Variants in SSH2 observed in about 807,000 individuals in gnomAD.
SSH2 encodes the protein slingshot protein phosphatase 2.
In SSH2, 37 loss-of-function variants were observed where a neutral mutation model predicts 135.2. The ratio of observed to expected loss-of-function variants is 0.27; its 90% CI spans 0.21 to 0.36. The LOEUF (loss-of-function observed/expected upper bound fraction) is 0.36. Among genes scored for constraint, SSH2 ranks in the 10% least tolerant of loss-of-function variants. SSH2 has a pLI of 1.00. For missense variants in SSH2, 1,408 were observed against 1,765.3 expected (o/e 0.80, Z 3.63); for synonymous variants, 628 against 646.2 (o/e 0.97, Z 0.43).
At position 29,729,248 on chromosome 17, in the gene SSH2, C is replaced by T. The variant is rs147720798; in HGVS notation, c.189-26186G>A. 2.4e-3 allele frequency among the ~76,000 whole-genome samples: 368 copies of T among 152,296 alleles called. 3 individuals are homozygous for T. The highest frequency in any genetic ancestry group is 8.4e-3 in the African/African-American group (350 of 41,568). Reference sequence around the variant, plus strand: ...GCAAAGGGTCTGAATAGACATTTCTCAAAAGATGACATTGAAATGGCAAAC... The same window carrying T: ...GCAAAGGGTCTGAATAGACATTTCTTAAAAGATGACATTGAAATGGCAAAC... On this transcript the variant is annotated intron_variant, in intron 3 of 15. Coordinates refer to ENST00000540801, the MANE Select transcript of SSH2 (RefSeq NM_001282129.2).
chr17:29,753,133 CT>C (rs932069303), intron 3 of SSH2, among the ~76,000 whole-genome samples: 2 of 151,908 alleles, frequency 1.3e-5, no homozygotes, highest in East Asian at 3.9e-4. Context: ...AATTATCTGC[CT>C]TTTTTAAATT....
chr17:29,919,992 C>T (rs887268235), intron 1 of SSH2, among the ~76,000 whole-genome samples: 2 of 152,160 alleles, frequency 1.3e-5, no homozygotes, highest in Non-Finnish European at 2.9e-5. Flanking sequence ...TCACCACAAC[C>T]TCCGCCTCCC....
chr17:29,794,956 C>T (rs1394667042), intron 2 of SSH2, among the ~76,000 whole-genome samples: 2 of 152,164 alleles, frequency 1.3e-5, no homozygotes, highest in African/African-American at 2.4e-5. Flanking sequence ...AAATTTGCTC[C>T]CTGACAATTT....
intron 5 of SSH2, among the ~76,000 whole-genome samples, chr17:29,685,882 C>G (rs1164062253): frequency 6.7e-6 from 1 of 148,184 alleles, no homozygotes; most frequent in Non-Finnish European, 1.5e-5. Flanking sequence ...GAGTTTCGCT[C>G]TTGTTGCTCA....
intron 1 of SSH2, among the ~76,000 whole-genome samples, chr17:29,875,583 G>C (rs1194384051): frequency 1.3e-5 from 2 of 151,782 alleles, no homozygotes; most frequent in Admixed American, 1.3e-4. Flanking sequence ...ATAGTTCTTG[G>C]GGAAAAAAAT....
chr17:29,639,377 G>A (rs186924162), intron 14 of SSH2, among the ~76,000 whole-genome samples: 4 of 152,152 alleles, frequency 2.6e-5, no homozygotes, highest in African/African-American at 9.6e-5. Flanking sequence ...CTGATGAGGA[G>A]TTACCAAACC....
intron 3 of SSH2, among the ~76,000 whole-genome samples, chr17:29,703,947 C>G (rs1206276867): frequency 6.6e-6 from 1 of 152,272 alleles, no homozygotes; most frequent in East Asian, 1.9e-4. Flanking sequence ...ACCAGAATGC[C>G]TGAGTTTGAA....
intron 2 of SSH2, among the ~76,000 whole-genome samples, chr17:29,848,000 C>A (rs1421880214): frequency 6.6e-6 from 1 of 152,178 alleles, no homozygotes; most frequent in African/African-American, 2.4e-5. Flanking sequence ...TGAGTTAGTG[C>A]TGTTCCACAA....
chr17:29,707,223 T>C (rs1040527221), intron 3 of SSH2: 1 of 152,020 alleles, frequency 6.6e-6, no homozygotes, highest in African/African-American at 2.4e-5. Flanking sequence ...CATTTGTTGC[T>C]TATGCTTTAA....
intron 1 of SSH2, among the ~76,000 whole-genome samples, chr17:29,910,674 T>A (rs1453151536): frequency 6.6e-6 from 1 of 152,216 alleles, no homozygotes; most frequent in Non-Finnish European, 1.5e-5. Context: ...CCAGATGAAT[T>A]TTATCATTAA....
intron 1 of SSH2, among the ~76,000 whole-genome samples, chr17:29,897,734 A>G (rs1424386084): frequency 2.0e-5 from 3 of 152,192 alleles, no homozygotes; most frequent in African/African-American, 7.2e-5. Context: ...CAGAAGGTTA[A>G]CAAGGATATC....
At chr17:29,821,003 T>G (rs1019737685) in intron 2 of SSH2, among the ~76,000 whole-genome samples, 1 of 152,162 alleles carries the variant, frequency 6.6e-6, no homozygotes, top group Admixed American at 6.5e-5. Context: ...GAAGAGTCCA[T>G]GAATTCCAAA....
intron 5 of SSH2, 70 bp from the exon 6 acceptor site, chr17:29,684,754 T>A: frequency 6.8e-7 from 1 of 1,464,560 alleles, no homozygotes; most frequent in South Asian, 1.2e-5. Flanking sequence ...TCAACCCTTT[T>A]TCATCAGCAT....
intron 3 of SSH2, among the ~76,000 whole-genome samples, chr17:29,774,464 C>T (rs1177687051): frequency 6.6e-6 from 1 of 152,160 alleles, no homozygotes; most frequent in Non-Finnish European, 1.5e-5. Flanking sequence ...GGGGTTTCAC[C>T]ATGCTGGTCA....
At chr17:29,755,905 C>T (rs748802735) in intron 3 of SSH2, among the ~76,000 whole-genome samples, 16 of 149,868 alleles carry the variant, frequency 1.1e-4, no homozygotes, top group Non-Finnish European at 1.9e-4. Flanking sequence ...TTGTGATCCA[C>T]CCGCCTCGGC....
At chr17:29,868,850 T>C (rs1259505444) in intron 1 of SSH2, among the ~76,000 whole-genome samples, 1 of 151,774 alleles carries the variant, frequency 6.6e-6, no homozygotes, top group African/African-American at 2.4e-5. Context: ...GGGAGAAAAA[T>C]TGGCAGACTT....
At chr17:29,802,618 C>CAAAAAAAAAAAAAAAAAAAAAAAAAA (rs74267073) in intron 2 of SSH2, among the ~76,000 whole-genome samples, 1 of 57,382 alleles carries the variant, frequency 1.7e-5, no homozygotes, top group African/African-American at 6.2e-5. Flanking sequence ...ACTGTTTCTA[C>CAAAAAAAAAAAAAAAAAAAAAAAAAA]AAAAAAAAAA....
At chr17:29,794,718 T>C (rs921158266) in intron 2 of SSH2, among the ~76,000 whole-genome samples, 1 of 152,180 alleles carries the variant, frequency 6.6e-6, no homozygotes, top group African/African-American at 2.4e-5. Flanking sequence ...TCAATGAATA[T>C]TTTACAGATG....
rs746459662 is a variant in SSH2, at chr17:29,655,584, G to A, written c.1056C>T (p.Asn352=). 1.7e-5 allele frequency: 27 copies of A among 1,613,996 alleles called. No individual in the cohort carries two copies. Among genetic ancestry groups the A allele is most frequent in the Middle Eastern group, 1.6e-4 (1 of 6,084 alleles). ...ACCCTCGGTTCTGTAAGTCCTCTAAGTTGGAGGCATTCCATTCTGAGCCCT... is the reference window on the plus strand; with the variant it reads ...ACCCTCGGTTCTGTAAGTCCTCTAAATTGGAGGCATTCCATTCTGAGCCCT... ...VFLGSEWNAS[N]LEDLQNRGVR... Residue 352 remains asparagine (N), a synonymous_variant, in exon 12 of 16, where the codon AAC becomes AAT. Transcript: ENST00000540801.
Sources: allele counts gnomAD v4.1 joint callset (sites outside exome capture counted in the v4.1 genomes callset), GRCh38; gene constraint gnomAD v4.1.1; transcripts MANE v1.5; gene names NCBI Gene and HGNC (gene_info 2026-07-23, HGNC 2026-07-21).